Variants in VWA8 observed in about 807,000 individuals in gnomAD.
VWA8 encodes von Willebrand factor A domain-containing protein 8.
Under a neutral mutation model 241.5 loss-of-function variants are expected in VWA8, and 221 were observed. The observed-to-expected ratio is 0.91, with a 90% confidence interval of 0.82 to 1.02. VWA8 has a LOEUF of 1.02. VWA8 is among the 50% of genes least tolerant of loss of function. VWA8 has a pLI of 0.00. For missense variants in VWA8, 2,322 were observed against 2,328.7 expected (o/e 1.00, Z 0.06); for synonymous variants, 852 against 827.1 (o/e 1.03, Z -0.52).
At chr13:41,573,411 C>G (rs1202937993) in intron 43 of VWA8, among the ~76,000 whole-genome samples, 1 of 140,372 alleles carries the variant, frequency 7.1e-6, no homozygotes, top group East Asian at 2.1e-4. Context: ...GAGCAAGACT[C>G]CATCTCAAAA....
intron 2 of VWA8, chr13:41,925,921 TC>T: frequency 2.6e-6 from 1 of 377,748 alleles, no homozygotes. Flanking sequence ...AATGACTTCA[TC>T]CAAGAATATA....
chr13:41,726,845 A>G (rs2045438433), intron 24 of VWA8, among the ~76,000 whole-genome samples: 1 of 152,098 alleles, frequency 6.6e-6, no homozygotes. Flanking sequence ...AAATACAAAA[A>G]TTAACCAGGC....
chr13:41,611,775 G>T, intron 38 of VWA8, 43 bp from the exon 39 acceptor site: 1 of 1,609,170 alleles, frequency 6.2e-7, no homozygotes, highest in South Asian at 1.1e-5. Flanking sequence ...ATCTGAACTT[G>T]ACCACAGAAC....
rs1444086868 is a variant in VWA8 at position 41,761,177 on chromosome 13, T to C, written c.2377A>G (p.Arg793Gly). The part of the protein sequence containing the change: ...QGVGKNKIVD[R>G]FLHLLNRPRE... ...GGTCTGTTGAGCAGGTGAAGGAATC[T>C]GTCAACAATCTTGTTTTTTCCTACA... Residue 793 changes from arginine (R) to glycine (G), a missense_variant, in exon 21 of 45, where the codon AGA (arginine) becomes GGA (glycine). Arg to Gly is a moderately radical substitution (Grantham distance 125, BLOSUM62 -2). Transcript: ENST00000379310. 6.2e-7 allele frequency: 1 copy of C among 1,611,836 alleles called. No homozygotes were observed. The highest frequency in any genetic ancestry group is 1.1e-5 in the South Asian group (1 of 91,006).
intron 40 of VWA8, among the ~76,000 whole-genome samples, chr13:41,602,811 C>T (rs947353411): frequency 4.6e-5 from 7 of 152,034 alleles, no homozygotes. Context: ...ATCTTGGTGA[C>T]AATGACGATG....
chr13:41,691,199 C>T, intron 32 of VWA8, 121 bp downstream of exon 32: 1 of 1,273,762 alleles, frequency 7.9e-7, no homozygotes, highest in Non-Finnish European at 1.0e-6. Flanking sequence ...AGAGATGCTG[C>T]CAAACACAGA....
At chr13:41,921,300 A>T (rs983824485) in intron 2 of VWA8, among the ~76,000 whole-genome samples, 1 of 152,208 alleles carries the variant, frequency 6.6e-6, no homozygotes. Context: ...AAATAATAAG[A>T]GCTTTTTATG....
At chr13:41,590,836 G>T in intron 40 of VWA8, 71 bp from the exon 41 acceptor site, 1 of 1,566,822 alleles carries the variant, frequency 6.4e-7, no homozygotes, top group South Asian at 1.1e-5. Context: ...CTTTGTGCAT[G>T]AATAACAGGA....
Position 41,894,182 on chromosome 13 carries a change from A to G in VWA8, c.484-2595T>C, listed in dbSNP as rs78705335. On this transcript the variant is annotated intron_variant, in intron 4 of 44. Transcript: ENST00000379310. The stretch of plus-strand genomic sequence containing the variant: ...TCACCATCTATGGGCCACAAAAAGC[A>G]AAGTCTTGACAACATAGGACAACAA... Among the ~76,000 whole-genome samples the G allele has an allele frequency of 1.5e-3, 228 of 152,342 alleles. 2 individuals carry two copies. The highest frequency in any genetic ancestry group is 9.1e-3 in the East Asian group (47 of 5,188).
chr13:41,857,480 T>C (rs1427122401), intron 12 of VWA8, among the ~76,000 whole-genome samples: 1 of 152,194 alleles, frequency 6.6e-6, no homozygotes, highest in Non-Finnish European at 1.5e-5. Flanking sequence ...AAATTCCCTG[T>C]GTAAGCAATT....
In VWA8 at chr13:41,611,537, T is replaced by C. The variant is rs1226512125; in HGVS notation, c.4877+39A>G. The C allele has an allele frequency of 3.7e-6, 6 of 1,606,208 alleles. No homozygotes were observed. The African/African-American group carries it at 5.4e-5, about 14-fold the overall frequency. On this transcript the variant is annotated intron_variant, in intron 39 of 44. Transcript: ENST00000379310. The stretch of plus-strand genomic sequence containing the variant: ...CACAGTCCATCATGACATTTCACCA[T>C]AGCAGTAGTGCTGGTCTAAATGTGA...
At chr13:41,782,769 T>C (rs1432754194) in intron 19 of VWA8, among the ~76,000 whole-genome samples, 1 of 151,948 alleles carries the variant, frequency 6.6e-6, no homozygotes, top group Non-Finnish European at 1.5e-5. Context: ...TGTTTTACTA[T>C]AAAAGTAATA....
At chr13:41,662,702 A>C (rs1234958660) in intron 37 of VWA8, among the ~76,000 whole-genome samples, 1 of 150,216 alleles carries the variant, frequency 6.7e-6, no homozygotes, top group Non-Finnish European at 1.5e-5. Context: ...TTTTATTATG[A>C]TTATACTTTA....
chr13:41,601,250 G>A (rs1322883181), intron 40 of VWA8, among the ~76,000 whole-genome samples: 2 of 152,082 alleles, frequency 1.3e-5, no homozygotes, highest in Non-Finnish European at 2.9e-5. Context: ...TAAATGGAAT[G>A]AGATCTTTAG....
At chr13:41,663,534 A>G (rs916909589) in intron 37 of VWA8, among the ~76,000 whole-genome samples, 3 of 152,032 alleles carry the variant, frequency 2.0e-5, no homozygotes, top group Non-Finnish European at 2.9e-5. Context: ...TGCTTACTAC[A>G]TCTTTTACTA....
intron 26 of VWA8, among the ~76,000 whole-genome samples, chr13:41,705,970 C>A (rs764984885): frequency 2.6e-5 from 4 of 152,114 alleles, no homozygotes; most frequent in Non-Finnish European, 5.9e-5. Flanking sequence ...TCTTTGAAGA[C>A]AACAGAAACA....
intron 37 of VWA8, among the ~76,000 whole-genome samples, chr13:41,616,641 C>T (rs1449293708): frequency 6.6e-6 from 1 of 152,128 alleles, no homozygotes; most frequent in South Asian, 2.1e-4. Flanking sequence ...ATAAAATTTT[C>T]TGTGTTGATG....
chr13:41,708,523 C>T (rs1440817735), intron 26 of VWA8, among the ~76,000 whole-genome samples: 1 of 152,132 alleles, frequency 6.6e-6, no homozygotes, highest in Non-Finnish European at 1.5e-5. Context: ...TGTCGCTTCC[C>T]TACCATCTCA....
intron 1 of VWA8, 73 bp downstream of exon 1, chr13:41,960,780 G>A (rs970517123): frequency 1.5e-5 from 22 of 1,451,324 alleles, no homozygotes; most frequent in Middle Eastern, 2.5e-4. Context: ...ACAGAGAGGA[G>A]GGGCGGGGGC....
Sources: gnomAD v4.1 joint callset for allele counts (sites outside exome capture counted in the v4.1 genomes callset) on GRCh38, gnomAD v4.1.1 for gene constraint, MANE v1.5 for transcripts, NCBI Gene and HGNC (gene_info 2026-07-23, HGNC 2026-07-21) for gene names.